Variants in EGFR observed in about 807,000 individuals in gnomAD.
The protein encoded by EGFR is avian erythroblastic leukemia viral (v-erb-b) oncogene homolog.
Under a neutral mutation model 143.0 loss-of-function variants are expected in EGFR, and 58 were observed. The observed-to-expected ratio is 0.41, with a 90% CI of 0.33 to 0.50. The LOEUF (loss-of-function observed/expected upper bound fraction) is 0.50. EGFR is among the 20% of genes least tolerant of loss of function. The pLI is 0.39. For synonymous variants in EGFR, 613 were observed against 594.4 expected (o/e 1.03, Z -0.45); for missense variants, 1,307 against 1,579.0 (o/e 0.83, Z 2.92).
intron 19 of EGFR, among the ~76,000 whole-genome samples, chr7:55,178,655 CTT>C (rs1020394385): frequency 3.3e-5 from 5 of 152,308 alleles, no homozygotes; most frequent in African/African-American, 1.2e-4. Context: ...CCAGTTCTGA[CTT>C]TTTATAAACA....
chr7:55,179,202 A>G (rs1786742864), intron 19 of EGFR, among the ~76,000 whole-genome samples: 1 of 152,218 alleles, frequency 6.6e-6, no homozygotes, highest in Non-Finnish European at 1.5e-5. Context: ...ACAAATATTT[A>G]AGTACAGATT....
intron 1 of EGFR, among the ~76,000 whole-genome samples, chr7:55,040,024 A>C (rs1787810887): frequency 6.6e-6 from 1 of 152,230 alleles, no homozygotes; most frequent in African/African-American, 2.4e-5. Flanking sequence ...ATGGTGACGC[A>C]GAAATTCAGA....
Position 55,019,111 on chromosome 7 carries a change from C to A in EGFR, c.-167C>A, listed in dbSNP as rs866678715. 2.7e-6 allele frequency: 1 copy of A among 376,758 alleles called. No homozygotes were observed. The allele number at this position is 376,758 out of a possible 1,614,324, so 23.3% of individuals were successfully genotyped here. ...GACGCGGCCGAGGCGGCCGGAGTCC[C>A]GAGCTAGCCCCGGCGGCCGCCGCCG... On this transcript the variant is annotated 5_prime_UTR_variant, in exon 1 of 28. Coordinates refer to ENST00000275493, the MANE Select transcript of EGFR (RefSeq NM_005228.5).
intron 1 of EGFR, among the ~76,000 whole-genome samples, chr7:55,036,826 G>A (rs1787612941): frequency 6.6e-6 from 1 of 152,034 alleles, no homozygotes; most frequent in Non-Finnish European, 1.5e-5. Context: ...AAACCTCTAA[G>A]GAACACCTCC....
chr7:55,031,477 AT>A, intron 1 of EGFR, among the ~76,000 whole-genome samples: 1 of 151,674 alleles, frequency 6.6e-6, no homozygotes, highest in Non-Finnish European at 1.5e-5. Context: ...ACCTTTAGAG[AT>A]TCTTGTTTAG....
At position 55,155,038 on chromosome 7, in the gene EGFR, T is replaced by A. The variant is rs558547233; in HGVS notation, c.890-792T>A. ...GATAGGGCTTAACAGAGCTTTAAAA[T>A]CCATAGGAAAACACTTCGAGCCTGA... is the stretch of plus-strand genomic sequence containing the variant. On this transcript the variant is annotated intron_variant, in intron 7 of 27. Transcript: ENST00000275493. Among the ~76,000 whole-genome samples the A allele has an allele frequency of 7.9e-4, 121 of 152,244 alleles. 1 individual carries two copies. The highest frequency in any genetic ancestry group is 2.7e-3 in the African/African-American group (113 of 41,542).
chr7:55,166,164 C>G (rs1389254916), intron 15 of EGFR: 1 of 413,500 alleles, frequency 2.4e-6, no homozygotes, highest in Non-Finnish European at 4.7e-6. Flanking sequence ...AAAACAAAAA[C>G]AAAAAAAAAA....
intron 1 of EGFR, among the ~76,000 whole-genome samples, chr7:55,046,589 A>T (rs1788190449): frequency 1.3e-5 from 1 of 74,786 alleles, no homozygotes. Flanking sequence ...TGTTCTTGGA[A>T]AAAAAAAAAA....
intron 1 of EGFR, among the ~76,000 whole-genome samples, chr7:55,140,176 T>C (rs1321229274): frequency 6.6e-6 from 1 of 152,130 alleles, no homozygotes; most frequent in African/African-American, 2.4e-5. Context: ...TTTATTTTAC[T>C]GACAAAAGTT....
intron 1 of EGFR, among the ~76,000 whole-genome samples, chr7:55,031,929 T>A (rs1787272626): frequency 6.6e-6 from 1 of 152,154 alleles, no homozygotes; most frequent in Non-Finnish European, 1.5e-5. Context: ...TTTCACTAGG[T>A]GACAAGGGAA....
chr7:55,187,390 A>T (rs1194645312), intron 20 of EGFR, among the ~76,000 whole-genome samples: 10 of 152,182 alleles, frequency 6.6e-5, no homozygotes, highest in Admixed American at 6.5e-4. Flanking sequence ...TCACTTGCCA[A>T]GATCTCAGGA....
chr7:55,079,166 C>G (rs540842352), intron 1 of EGFR, among the ~76,000 whole-genome samples: 2 of 151,924 alleles, frequency 1.3e-5, no homozygotes, highest in Non-Finnish European at 1.5e-5. Flanking sequence ...TAAGGCTGGG[C>G]GGGGGCGGGA....
chr7:55,179,279 A>C (rs1387224271), intron 19 of EGFR, among the ~76,000 whole-genome samples: 2 of 152,230 alleles, frequency 1.3e-5, no homozygotes. Flanking sequence ...GGGTTTGTTC[A>C]TATGGAAGGC....
At chr7:55,147,893 G>T (rs1354752373) in intron 4 of EGFR, among the ~76,000 whole-genome samples, 1 of 152,204 alleles carries the variant, frequency 6.6e-6, no homozygotes, top group Non-Finnish European at 1.5e-5. Context: ...CTGTCCTTTT[G>T]TGTCTGGCTT....
At chr7:55,183,288 T>G (rs1786977055) in intron 20 of EGFR, among the ~76,000 whole-genome samples, 1 of 152,112 alleles carries the variant, frequency 6.6e-6, no homozygotes, top group African/African-American at 2.4e-5. Context: ...ATATGTGAAG[T>G]GGTAGATATA....
intron 1 of EGFR, among the ~76,000 whole-genome samples, chr7:55,060,569 A>G (rs1306341524): frequency 6.6e-6 from 1 of 152,196 alleles, no homozygotes; most frequent in African/African-American, 2.4e-5. Flanking sequence ...AACCCAAGAT[A>G]TAATCAGTAT....
intron 1 of EGFR, among the ~76,000 whole-genome samples, chr7:55,059,517 G>A (rs1194010234): frequency 2.0e-5 from 3 of 152,166 alleles, no homozygotes; most frequent in East Asian, 3.9e-4. Flanking sequence ...TCTTGGTGGT[G>A]TACGTTCTTC....
intron 15 of EGFR, among the ~76,000 whole-genome samples, chr7:55,166,139 G>A (rs536061206): frequency 2.0e-5 from 3 of 151,924 alleles, no homozygotes; most frequent in African/African-American, 7.2e-5. Flanking sequence ...CACCAAGAGC[G>A]AAACTCTGTC....
At chr7:55,187,872 A>G (rs867431513) in intron 20 of EGFR, among the ~76,000 whole-genome samples, 1 of 152,158 alleles carries the variant, frequency 6.6e-6, no homozygotes, top group African/African-American at 2.4e-5. Flanking sequence ...GGAGAACACC[A>G]TCATTTGTAC....
Sources: allele counts gnomAD v4.1 joint callset (sites outside exome capture counted in the v4.1 genomes callset), GRCh38; gene constraint gnomAD v4.1.1; transcripts MANE v1.5; gene names NCBI Gene and HGNC (gene_info 2026-07-23, HGNC 2026-07-21).